The following POGLUT2 variants were observed in gnomAD, a reference collection of about 807,000 sequenced individuals.
POGLUT2 encodes protein O-glucosyltransferase 2.
A neutral mutation model predicts 57.6 loss-of-function variants in POGLUT2; 47 were observed. That is an observed-to-expected ratio of 0.82 (90% CI 0.65 to 1.04). The LOEUF (loss-of-function observed/expected upper bound fraction) is 1.04. Among genes scored for constraint, POGLUT2 ranks in the 50% least tolerant of loss-of-function variants. POGLUT2 has a pLI of 0.00. For synonymous variants in POGLUT2, 200 were observed against 218.8 expected (o/e 0.91, Z 0.76); for missense variants, 565 against 614.8 (o/e 0.92, Z 0.86).
chr13:102,790,131 A>G (rs955271801), intron 6 of POGLUT2, among the ~76,000 whole-genome samples: 1 of 152,172 alleles, frequency 6.6e-6, no homozygotes, highest in African/African-American at 2.4e-5. Flanking sequence ...AATCTTTGGG[A>G]TATGCATATA....
At chr13:102,792,775 C>G (rs1878228447) in intron 4 of POGLUT2, among the ~76,000 whole-genome samples, 2 of 152,138 alleles carry the variant, frequency 1.3e-5, no homozygotes, top group African/African-American at 4.8e-5. Context: ...TCAGAGGGAG[C>G]TGGCCTCCTG....
At chr13:102,792,054 T>A (rs1314325244) in intron 4 of POGLUT2, 1 of 1,289,448 alleles carries the variant, frequency 7.8e-7, no homozygotes, top group South Asian at 1.2e-5. Flanking sequence ...TTCCCATGGA[T>A]TGACAAAGAG....
rs760747438 is a variant in POGLUT2, at chr13:102,793,727, G to C, written c.468C>G (p.Thr156=). The C allele has an allele frequency of 6.2e-7, 1 of 1,614,144 alleles. No individual in the cohort carries two copies. The highest frequency in any genetic ancestry group is 2.2e-5 in the East Asian group (1 of 44,890). The change falls in exon 3 of 10, where the codon ACC becomes ACG. Residue 156 remains threonine (T), a synonymous_variant. Transcript: ENST00000376004. ...CCAGATCTCTCTGAATCTGAGCAAT[G>C]GTTTCAGGGCAGTTCATCTCCCGTA... ...AWLREMNCPE[T]IAQIQRDLAH... is the part of the protein sequence containing the mutation.
At chr13:102,791,220 A>G (rs1878157525) in intron 5 of POGLUT2, 38 bp downstream of exon 5, 1 of 1,602,728 alleles carries the variant, frequency 6.2e-7, no homozygotes, top group African/African-American at 1.3e-5. Flanking sequence ...CAAAGAAAGA[A>G]AACCAAGGCT....
intron 6 of POGLUT2, among the ~76,000 whole-genome samples, chr13:102,790,165 T>C (rs895909274): frequency 1.3e-5 from 2 of 152,218 alleles, no homozygotes; most frequent in Admixed American, 6.5e-5. Flanking sequence ...AATTCAACTT[T>C]AACATTGAAC....
rs1206595934 is a variant in POGLUT2, at chr13:102,797,179, G to A, written c.183-170C>T. ...GTACCAGAATGAATATGATGGATCA[G>A]AGATTTAAAAAAATGAGGATGACAA... On this transcript the variant is annotated intron_variant, in intron 1 of 9. Transcript: ENST00000376004. 2.0e-5 allele frequency among the ~76,000 whole-genome samples: 3 copies of A among 152,104 alleles called. No individual in the cohort carries two copies. In the East Asian group the frequency reaches 5.8e-4, roughly 29 times the overall value.
At chr13:102,787,034 G>GTT (rs111745447) in intron 8 of POGLUT2, among the ~76,000 whole-genome samples, 1 of 149,054 alleles carries the variant, frequency 6.7e-6, no homozygotes, top group Non-Finnish European at 1.5e-5. Context: ...ACCTGATTTT[G>GTT]TTTTTTTTTT....
At chr13:102,798,338 C>A in intron 1 of POGLUT2, 151 bp downstream of exon 1, 1 of 626,420 alleles carries the variant, frequency 1.6e-6, no homozygotes, top group East Asian at 2.9e-5. Flanking sequence ...TAATTCGGAA[C>A]AATTTCTACA....
At chr13:102,790,799 C>T (rs1332436674) in intron 6 of POGLUT2, 102 bp downstream of exon 6, 13 of 810,184 alleles carry the variant, frequency 1.6e-5, no homozygotes, top group Admixed American at 2.2e-5. Flanking sequence ...GTGCTAACTT[C>T]TCCCACCTCT....
rs1370541337 is a variant in POGLUT2, at chr13:102,791,298, T to C, written c.805A>G (p.Thr269Ala). Residue 269 changes from threonine (T) to alanine (A), a missense_variant, in exon 5 of 10, where the codon ACG (threonine) becomes GCG (alanine). By Grantham distance (58) the Thr-to-Ala change is moderately conservative. Coordinates refer to ENST00000376004, the MANE Select transcript of POGLUT2 (RefSeq NM_024089.3). Reference sequence around the variant, plus strand: ...AGAACAGAATCAGTCAAATCGTACGTAGGCATCACGATATCCTTGGAATCT... The same window carrying C: ...AGAACAGAATCAGTCAAATCGTACGCAGGCATCACGATATCCTTGGAATCT... Reference protein sequence around the residue: ...STDSKDIVMPTYDLTDSVLET... With the variant: ...STDSKDIVMPAYDLTDSVLET... 5 of 1,610,070 alleles carry C rather than the reference T, an allele frequency of 3.1e-6. No homozygotes were observed. Among genetic ancestry groups the C allele is most frequent in the East Asian group, 2.2e-5 (1 of 44,884 alleles).
In POGLUT2 at chr13:102,788,968, T is replaced by C. The variant is rs750436216; in HGVS notation, c.1293+44A>G. On this transcript the variant is annotated intron_variant, in intron 7 of 9. Transcript: ENST00000376004. ...ATACATTTCAAAAGGACCCATGATA[T>C]TGGGAAACAAGTGGAAATAAGCCTT... The C allele has an allele frequency of 5.1e-5, 75 of 1,470,276 alleles. No individual in the cohort carries two copies. In the South Asian group the frequency reaches 7.8e-4, roughly 15 times the overall value. 91.1% of individuals were successfully genotyped at this position (1,470,276 alleles called of 1,614,324 possible).
chr13:102,784,704 A>G (rs1877864290), intron 9 of POGLUT2, among the ~76,000 whole-genome samples, 192 bp from the exon 10 acceptor site: 1 of 152,254 alleles, frequency 6.6e-6, no homozygotes, highest in South Asian at 2.1e-4. Flanking sequence ...TTCATAGCCT[A>G]CTGATAAGGA....
chr13:102,794,783 G>C (rs1046358750), intron 2 of POGLUT2, among the ~76,000 whole-genome samples: 1 of 152,082 alleles, frequency 6.6e-6, no homozygotes, highest in African/African-American at 2.4e-5. Context: ...GGGTATCAGA[G>C]GAGCATACCT....
At chr13:102,787,807 G>T in intron 8 of POGLUT2, 27 bp downstream of exon 8, 3 of 1,255,232 alleles carry the variant, frequency 2.4e-6, no homozygotes, top group Non-Finnish European at 3.4e-6. Flanking sequence ...TATAAGTTAC[G>T]TGATGATTTT....
chr13:102,797,101 C>A, intron 1 of POGLUT2, 92 bp from the exon 2 acceptor site: 1 of 795,308 alleles, frequency 1.3e-6, no homozygotes, highest in Non-Finnish European at 2.1e-6. Context: ...TGATTATTCT[C>A]CTCCACATTC....
Position 102,797,017 on chromosome 13 carries a change from GA to G in POGLUT2, c.183-9del. On this transcript the variant is annotated splice_polypyrimidine_tract_variant and intron_variant, in intron 1 of 9. Coordinates refer to ENST00000376004, the MANE Select transcript of POGLUT2 (RefSeq NM_024089.3). ...CCTGGAGAAGATGTGAATCTGTGAT[GA>G]AAAGGCAATGGGGGAGATAAACAGA... The G allele has an allele frequency of 6.2e-7, 1 of 1,604,656 alleles. No individual in the cohort carries two copies. The highest frequency in any genetic ancestry group is 8.5e-7 in the Non-Finnish European group (1 of 1,172,832).
intron 9 of POGLUT2, among the ~76,000 whole-genome samples, chr13:102,785,451 TACACACAC>T (rs56102018): frequency 0.1 from 14,830 of 148,040 alleles, 902 homozygotes; most frequent in Middle Eastern, 0.16. Flanking sequence ...CAGCATATGT[TACACACAC>T]ACACACACAC....
chr13:102,784,972 C>T (rs888482619), intron 9 of POGLUT2, among the ~76,000 whole-genome samples: 2 of 152,250 alleles, frequency 1.3e-5, no homozygotes, highest in Middle Eastern at 3.4e-3. Context: ...TACCAAATCA[C>T]GGATTGGTGA....
rs1285346540 is a variant in POGLUT2, at chr13:102,786,267, C to T, written c.1456G>A (p.Asp486Asn). 1 of 1,613,754 alleles carries T rather than the reference C, an allele frequency of 6.2e-7. No homozygotes were observed. The highest frequency in any genetic ancestry group is 8.5e-7 in the Non-Finnish European group (1 of 1,179,736). The change falls in exon 9 of 10, where the codon GAC (aspartate) becomes AAC (asparagine). Residue 486 changes from aspartate (D) to asparagine (N), a missense_variant. Asp to Asn is a conservative substitution (Grantham distance 23). Transcript: ENST00000376004. ...TGGCAAGTACAAGGGAAGAGGTCGTCCTCAGTCTGTGGTTCTACCCTTTTC... is the reference window on the plus strand; with the variant it reads ...TGGCAAGTACAAGGGAAGAGGTCGTTCTCAGTCTGTGGTTCTACCCTTTTC... ...GMKRVEPQTE[D>N]DLFPCTCHRK... is the part of the protein sequence containing the mutation.
Sources: gnomAD v4.1 joint callset for allele counts (sites outside exome capture counted in the v4.1 genomes callset) on GRCh38, gnomAD v4.1.1 for gene constraint, MANE v1.5 for transcripts, NCBI Gene and HGNC (gene_info 2026-07-23, HGNC 2026-07-21) for gene names.